The following EDARADD variants were observed in gnomAD, a reference collection of about 807,000 sequenced individuals.
EDARADD encodes the protein EDAR associated via death domain.
EDARADD carries 20 observed loss-of-function variants against 25.6 expected under a neutral mutation model. The ratio of observed to expected loss-of-function variants is 0.78; its 90% CI spans 0.55 to 1.14. The LOEUF (loss-of-function observed/expected upper bound fraction) is 1.14. Among genes scored for constraint, EDARADD ranks in the 50% most tolerant of loss-of-function variants. The probability of loss-of-function intolerance (pLI) is 0.00; values close to 1 mark genes in which losing one functional copy is unlikely to be tolerated. For missense variants in EDARADD, 225 were observed against 270.1 expected, an observed-to-expected ratio of 0.83 and a Z score of 1.17; for synonymous variants, 86 against 94.4, an observed-to-expected ratio of 0.91 and a Z score of 0.52.
At chr1:236,355,965 CA>C (rs1261145574) in intron 3 of EDARADD, among the ~76,000 whole-genome samples, 1 of 152,020 alleles carries the variant, frequency 6.6e-6, no homozygotes, top group Non-Finnish European at 1.5e-5. Context: ...GGCTGTATCA[CA>C]GGCAAAAAAT....
rs1659777677 is a variant in EDARADD at position 236,484,550 on chromosome 1, C to G, written c.*1901C>G. ...GTGTCAACTCCGGCAGCTCAAGACC[C>G]CCGAGCAACATTTGTAGGGGCCGCT... On this transcript the variant is annotated 3_prime_UTR_variant, in exon 6 of 6. Transcript: ENST00000334232. This position sits in a 1 kb window ranked among gnomAD's most constrained non-coding sequence, Gnocchi z 4.1. 8.5e-7 allele frequency: 1 copy of G among 1,174,918 alleles called. No homozygotes were observed. Among genetic ancestry groups the G allele is most frequent in the East Asian group, 2.4e-5 (1 of 41,656 alleles). The allele number at this position is 1,174,918 out of a possible 1,614,324, so 72.8% of individuals were successfully genotyped here.
At chr1:236,353,227 T>G (rs964728441) in intron 3 of EDARADD, among the ~76,000 whole-genome samples, 1 of 152,160 alleles carries the variant, frequency 6.6e-6, no homozygotes, top group African/African-American at 2.4e-5. Context: ...AGGAGAGAAC[T>G]GTGTGACCTT....
intron 3 of EDARADD, among the ~76,000 whole-genome samples, chr1:236,423,340 T>G (rs1657827731): frequency 6.6e-6 from 1 of 152,084 alleles, no homozygotes; most frequent in South Asian, 2.1e-4. Context: ...GGAGCAGCCC[T>G]TAGTTTACCA....
At chr1:236,405,474 A>G (rs1306029225) in intron 1 of EDARADD, among the ~76,000 whole-genome samples, 1 of 152,154 alleles carries the variant, frequency 6.6e-6, no homozygotes, top group Non-Finnish European at 1.5e-5. Flanking sequence ...GGAGACCTGG[A>G]ACTCCTCATG....
At chr1:236,460,804 G>GTC (rs751243024) in intron 4 of EDARADD, among the ~76,000 whole-genome samples, 8 of 151,268 alleles carry the variant, frequency 5.3e-5, no homozygotes, top group Non-Finnish European at 1.0e-4. Flanking sequence ...TGTGTGACAT[G>GTC]AGAAAGTTTT....
intron 3 of EDARADD, among the ~76,000 whole-genome samples, chr1:236,383,664 AT>A (rs913332963): frequency 3.3e-5 from 5 of 151,916 alleles, no homozygotes; most frequent in African/African-American, 7.3e-5. Context: ...TACAGACTGG[AT>A]TTTTTTTCTA....
At chr1:236,366,802 C>T (rs589563) in intron 3 of EDARADD, among the ~76,000 whole-genome samples, 50,585 of 149,364 alleles carry the variant, frequency 0.34, 8,862 homozygotes, top group African/African-American at 0.42. Flanking sequence ...TCTGGCCAGG[C>T]GCGGTGGCTC....
intron 3 of EDARADD, among the ~76,000 whole-genome samples, chr1:236,425,041 C>T (rs1016761325): frequency 3.9e-5 from 6 of 152,170 alleles, no homozygotes; most frequent in African/African-American, 9.7e-5. Context: ...TGGCCCCCGT[C>T]GCAGGCAGCC....
intron 3 of EDARADD, among the ~76,000 whole-genome samples, chr1:236,374,521 A>G (rs903173278): frequency 2.0e-5 from 3 of 152,004 alleles, no homozygotes; most frequent in Non-Finnish European, 4.4e-5. Context: ...TCCAACCACA[A>G]TAGTAGATTC....
chr1:236,459,996 G>T (rs1658995544), intron 4 of EDARADD, among the ~76,000 whole-genome samples: 1 of 151,968 alleles, frequency 6.6e-6, no homozygotes, highest in African/African-American at 2.4e-5. Context: ...TTCTGTCTGT[G>T]CTTTGTAACA....
At chr1:236,470,723 AGCC>A (rs1659337974) in intron 5 of EDARADD, among the ~76,000 whole-genome samples, 1 of 152,108 alleles carries the variant, frequency 6.6e-6, no homozygotes, top group South Asian at 2.1e-4. Context: ...CTCCTGCCTC[AGCC>A]TCCTCCTGAG....
intron 4 of EDARADD, among the ~76,000 whole-genome samples, chr1:236,428,383 C>T (rs1180524316): frequency 1.3e-5 from 2 of 152,206 alleles, no homozygotes; most frequent in Admixed American, 6.5e-5. Flanking sequence ...TCCACACAGA[C>T]GCAGTAACAA....
At chr1:236,479,323 C>G (rs1453018003) in intron 5 of EDARADD, among the ~76,000 whole-genome samples, 1 of 151,766 alleles carries the variant, frequency 6.6e-6, no homozygotes, top group African/African-American at 2.4e-5. Flanking sequence ...TAGTGGGACC[C>G]TGTCTCAAAT....
rs1349341254 is a variant in EDARADD at position 236,398,523 on chromosome 1, C to T, written c.61+4018C>T. ...CTTACACACTCTGTGCAATCAATCC[C>T]TACCTGTTCCTTCACTTGCCTCACC... On this transcript the variant is annotated intron_variant, in intron 1 of 5. Coordinates refer to ENST00000334232, the MANE Select transcript of EDARADD (RefSeq NM_145861.4). This position sits in a 1 kb window ranked among gnomAD's most constrained non-coding sequence, Gnocchi z 4.1. 7.2e-5 allele frequency among the ~76,000 whole-genome samples: 11 copies of T among 152,260 alleles called. No individual in the cohort carries two copies. The highest frequency in any genetic ancestry group is 4.4e-5 in the Non-Finnish European group (3 of 68,046).
chr1:236,422,790 G>A (rs1446810063), intron 3 of EDARADD, among the ~76,000 whole-genome samples: 2 of 152,184 alleles, frequency 1.3e-5, no homozygotes, highest in Non-Finnish European at 2.9e-5. Context: ...CCTGCAGATG[G>A]AACATGCCAG....
chr1:236,385,333 C>T (rs1202194561), intron 3 of EDARADD, among the ~76,000 whole-genome samples: 5 of 143,650 alleles, frequency 3.5e-5, no homozygotes, highest in Admixed American at 7.3e-5. Flanking sequence ...GGCATGAAGC[C>T]GGGAGGTGGA....
chr1:236,393,391 CTTTTTTT>C (rs761525038), upstream of EDARADD, among the ~76,000 whole-genome samples: 9 of 87,202 alleles, frequency 1.0e-4, no homozygotes, highest in African/African-American at 4.7e-4. Context: ...TTCTTTCTTT[CTTTTTTT>C]TTTTTTTTTT....
chr1:236,468,380 T>C, intron 5 of EDARADD, 104 bp downstream of exon 5: 3 of 1,248,174 alleles, frequency 2.4e-6, no homozygotes, highest in South Asian at 2.4e-5. Flanking sequence ...TTCCAGCACT[T>C]TGGGAGGCCA....
intron 4 of EDARADD, among the ~76,000 whole-genome samples, chr1:236,438,213 T>A (rs923071011): frequency 1.3e-5 from 2 of 152,248 alleles, no homozygotes; most frequent in Non-Finnish European, 2.9e-5. Flanking sequence ...ACTTGATTAC[T>A]TCTGTAAGGA....
Sources: allele counts gnomAD v4.1 joint callset (sites outside exome capture counted in the v4.1 genomes callset), GRCh38; gene constraint gnomAD v4.1.1; non-coding constraint Gnocchi (gnomAD v3.1); transcripts MANE v1.5; gene names NCBI Gene and HGNC (gene_info 2026-07-23, HGNC 2026-07-21).